Variants in AIMP2 observed in about 807,000 individuals in gnomAD.
AIMP2 encodes the protein aminoacyl tRNA synthase complex-interacting multifunctional protein 2.
In AIMP2, 20 loss-of-function variants were observed where a neutral mutation model predicts 23.4. The observed-to-expected ratio is 0.85, with a 90% CI of 0.60 to 1.24. The LOEUF (loss-of-function observed/expected upper bound fraction) is 1.24. Ranked by LOEUF, AIMP2 falls within the 50% of genes most tolerant of loss-of-function variation. The pLI, the probability that AIMP2 is intolerant of heterozygous loss-of-function variation, is 0.00. For synonymous variants in AIMP2, 210 were observed against 170.4 expected, an observed-to-expected ratio of 1.23 and a Z score of -1.81; for missense variants, 515 against 414.5, an observed-to-expected ratio of 1.24 and a Z score of -2.10.
chr7:6,016,441 T>G lies in AIMP2; in HGVS notation c.342+1089T>G, dbSNP rs139060924. 1.1e-3 allele frequency among the ~76,000 whole-genome samples: 167 copies of G among 152,290 alleles called. 1 individual carries two copies. Among genetic ancestry groups the G allele is most frequent in the Non-Finnish European group, 1.6e-3 (109 of 68,024 alleles). On this transcript the variant is annotated intron_variant, in intron 2 of 3. Transcript: ENST00000223029. ...CCCAGGGCTGGGATATTTGGTAACC[T>G]CAGTACCTCTGCATTCATGTATTCC...
At chr7:6,018,147 T>TTTC (rs1787148646) in intron 3 of AIMP2, 102 bp downstream of exon 3, 57 of 42,206 alleles carry the variant, frequency 1.4e-3, no homozygotes, top group Non-Finnish European at 1.8e-3. Flanking sequence ...TTTCTTTTTC[T>TTTC]TTTTTTTTTT....
Position 6,009,456 on chromosome 7 carries a change from C to A in AIMP2, c.93C>A (p.His31Gln), listed in dbSNP as rs200865484. 2.5e-5 allele frequency: 40 copies of A among 1,609,674 alleles called. No individual in the cohort carries two copies. The highest frequency in any genetic ancestry group is 2.2e-4 in the Middle Eastern group (1 of 4,464). ...GCATGTACCGGCTCCCCAACGTGCA[C>A]GGCAGGAGCTACGGCCCAGCGCCGG... ...PTCMYRLPNV[H>Q]GRSYGPAPGA... Residue 31 changes from histidine (H) to glutamine (Q), a missense_variant, in exon 1 of 4, where the codon CAC becomes CAA. By Grantham distance (24) the His-to-Gln change is conservative. Transcript: ENST00000223029.
chr7:6,019,041 G>A (rs540200716), intron 3 of AIMP2, among the ~76,000 whole-genome samples: 2 of 151,820 alleles, frequency 1.3e-5, no homozygotes, highest in African/African-American at 4.8e-5. Context: ...ACGTGAAGAT[G>A]AGCATGAAAT....
At chr7:6,011,041 C>T (rs1562720013) in intron 1 of AIMP2, among the ~76,000 whole-genome samples, 1 of 152,154 alleles carries the variant, frequency 6.6e-6, no homozygotes, top group Non-Finnish European at 1.5e-5. Flanking sequence ...CATCTCTGTA[C>T]TATACCGTTC....
intron 1 of AIMP2, among the ~76,000 whole-genome samples, chr7:6,012,488 T>G (rs920555112): frequency 8.5e-5 from 13 of 152,134 alleles, no homozygotes; most frequent in African/African-American, 3.1e-4. Context: ...TAGATCACGC[T>G]GCACTCAGGG....
chr7:6,019,087 CTG>C (rs1787220422), intron 3 of AIMP2, among the ~76,000 whole-genome samples: 1 of 151,714 alleles, frequency 6.6e-6, no homozygotes, highest in East Asian at 1.9e-4. Context: ...AACAAACAGA[CTG>C]TACTGCTGGA....
chr7:6,012,882 C>T (rs962159626), intron 1 of AIMP2: 1 of 990,660 alleles, frequency 1.0e-6, no homozygotes, highest in East Asian at 1.1e-4. Context: ...GCATACTGAA[C>T]TCTGTTCCAC....
intron 1 of AIMP2, chr7:6,012,830 G>A (rs1786777340): frequency 2.0e-6 from 2 of 1,014,844 alleles, no homozygotes; most frequent in Non-Finnish European, 2.4e-6. Context: ...GAGATTACAG[G>A]TATCAGCCAC....
chr7:6,018,944 A>T (rs1787206435), intron 3 of AIMP2, among the ~76,000 whole-genome samples: 1 of 146,572 alleles, frequency 6.8e-6, no homozygotes, highest in Admixed American at 6.9e-5. Context: ...AATCTATTTT[A>T]AAAAGTTAAA....
At chr7:6,011,118 T>C (rs1008228056) in intron 1 of AIMP2, among the ~76,000 whole-genome samples, 3 of 152,206 alleles carry the variant, frequency 2.0e-5, no homozygotes. Flanking sequence ...TTGTTTTCCA[T>C]TTTAACTTGC....
At chr7:6,018,374 T>C (rs1046324716) in intron 3 of AIMP2, among the ~76,000 whole-genome samples, 1 of 150,568 alleles carries the variant, frequency 6.6e-6, no homozygotes. Flanking sequence ...GGTCTCAAAC[T>C]CCTGACCTCA....
intron 1 of AIMP2, among the ~76,000 whole-genome samples, chr7:6,009,989 A>ATATATATATATATATATATATATATG (rs1259647902): frequency 4.6e-5 from 5 of 108,404 alleles, no homozygotes; most frequent in Admixed American, 9.8e-5. Context: ...ATATATATAT[A>ATATATATATATATATATATATATATG]TATGTATGTA....
chr7:6,015,980 TG>T (rs1251317819), intron 2 of AIMP2, among the ~76,000 whole-genome samples: 1 of 152,172 alleles, frequency 6.6e-6, no homozygotes, highest in Non-Finnish European at 1.5e-5. Flanking sequence ...TTCTGAGCCC[TG>T]GAAGAACAGA....
intron 1 of AIMP2, 31 bp from the exon 2 acceptor site, chr7:6,015,115 G>C: frequency 6.2e-7 from 1 of 1,613,696 alleles, no homozygotes. Context: ...GATGGGAGAG[G>C]AAATGAACAT....
At chr7:6,019,621 A>G (rs1436652975) in intron 3 of AIMP2, among the ~76,000 whole-genome samples, 4 of 152,188 alleles carry the variant, frequency 2.6e-5, no homozygotes, top group Admixed American at 2.6e-4. Context: ...CAAGAAGCAG[A>G]GAAAAGTCAT....
At position 6,017,622 on chromosome 7, in the gene AIMP2, C is replaced by G. The variant is rs115942431; in HGVS notation, c.343-192C>G. Among the ~76,000 whole-genome samples, 1,113 of 152,090 alleles carry G rather than the reference C, an allele frequency of 7.3e-3. 10 individuals carry two copies. The highest frequency in any genetic ancestry group is 0.026 in the African/African-American group (1,071 of 41,474). ...GTAAGGGGGTGGAGTCCGCTCATAT[C>G]CCAGCTCCACTCCGTCCTGAGCGAG... On this transcript the variant is annotated intron_variant, in intron 2 of 3. Transcript: ENST00000223029.
chr7:6,023,196 C>T (rs1415022273), intron 3 of AIMP2, 107 bp from the exon 4 acceptor site: 1 of 1,308,876 alleles, frequency 7.6e-7, no homozygotes, highest in Non-Finnish European at 1.0e-6. Flanking sequence ...ACACCCTTTC[C>T]CATGTCATCA....
At chr7:6,020,864 G>A (rs918960932) in intron 3 of AIMP2, among the ~76,000 whole-genome samples, 1 of 152,204 alleles carries the variant, frequency 6.6e-6, no homozygotes, top group African/African-American at 2.4e-5. Context: ...GTCCTGTTTT[G>A]TGCAGGTGCA....
In AIMP2 at chr7:6,012,592, CTG is replaced by C. The variant is rs1450567321; in HGVS notation, c.136-2552_136-2551del. ...TTTGTTTTTGAGACAGAGTCTCACT[CTG>C]TCACCCAGTCTGGAGTGCAATGTCG... On this transcript the variant is annotated intron_variant, in intron 1 of 3. Transcript: ENST00000223029. 1.8e-5 allele frequency: 4 copies of C among 219,120 alleles called. No homozygotes were observed. In the East Asian group the frequency reaches 3.8e-4, roughly 21 times the overall value. 13.6% of individuals were successfully genotyped at this position (219,120 alleles called of 1,614,324 possible).
Sources: gnomAD v4.1 joint callset for allele counts (sites outside exome capture counted in the v4.1 genomes callset) on GRCh38, gnomAD v4.1.1 for gene constraint, MANE v1.5 for transcripts, NCBI Gene and HGNC (gene_info 2026-07-23, HGNC 2026-07-21) for gene names.